OR1J2: variants seen among roughly 807,000 people sequenced by gnomAD.
OR1J2 encodes the protein olfactory receptor 1J2.
For synonymous variants in OR1J2, 142 were observed against 99.7 expected, an observed-to-expected ratio of 1.42 and a Z score of -2.52; for missense variants, 304 against 246.1, an observed-to-expected ratio of 1.24 and a Z score of -1.57.
chr9:122,547,795 T>G, the OR1J2 span, among the ~76,000 whole-genome samples: 1 of 152,182 alleles, frequency 6.6e-6, no homozygotes, highest in Non-Finnish European at 1.5e-5. Context: ...TTTCTTTTCC[T>G]TTGAGTATAT....
At chr9:122,526,196 T>G in the OR1J2 span, among the ~76,000 whole-genome samples, 1 of 152,172 alleles carries the variant, frequency 6.6e-6, no homozygotes, top group Non-Finnish European at 1.5e-5. Flanking sequence ...CATTATTAGA[T>G]AGAAACTGTT....
chr9:122,537,907 A>C, the OR1J2 span, among the ~76,000 whole-genome samples: 2 of 152,154 alleles, frequency 1.3e-5, no homozygotes, highest in South Asian at 4.1e-4. Context: ...TTTTATAAGA[A>C]AGTGATGAGG....
At chr9:122,578,107 C>T in the OR1J2 span, among the ~76,000 whole-genome samples, 1 of 152,104 alleles carries the variant, frequency 6.6e-6, no homozygotes, top group Non-Finnish European at 1.5e-5. Flanking sequence ...AGTAGATATA[C>T]CATTTGATCC....
At chr9:122,466,361 T>G in the OR1J2 span, among the ~76,000 whole-genome samples, 1 of 152,232 alleles carries the variant, frequency 6.6e-6, no homozygotes, top group Admixed American at 6.5e-5. Context: ...CGGGTTGTAT[T>G]TGTAGAAAAT....
At chr9:122,540,467 T>C in the OR1J2 span, among the ~76,000 whole-genome samples, 1 of 152,112 alleles carries the variant, frequency 6.6e-6, no homozygotes, top group Non-Finnish European at 1.5e-5. Context: ...TCTGTTCCAT[T>C]GGTCTATATC....
chr9:122,460,165 A>G, the OR1J2 span, among the ~76,000 whole-genome samples: 2 of 117,038 alleles, frequency 1.7e-5, no homozygotes, highest in Admixed American at 9.1e-5. Context: ...TGGTATGTAT[A>G]TGTGTGTGTG....
At chr9:122,533,007 C>T in the OR1J2 span, among the ~76,000 whole-genome samples, 3 of 152,044 alleles carry the variant, frequency 2.0e-5, no homozygotes, top group South Asian at 2.1e-4. Flanking sequence ...TGAAGGCTTG[C>T]GGCAGTACAG....
the OR1J2 span, among the ~76,000 whole-genome samples, chr9:122,503,583 T>C: frequency 1.3e-5 from 2 of 152,206 alleles, no homozygotes; most frequent in Non-Finnish European, 2.9e-5. Flanking sequence ...TTGTTCAGTG[T>C]CTTCTCTGAA....
At chr9:122,504,157 T>G in the OR1J2 span, among the ~76,000 whole-genome samples, 1 of 152,162 alleles carries the variant, frequency 6.6e-6, no homozygotes, top group African/African-American at 2.4e-5. Context: ...CCTTACAACT[T>G]TTTGTGCCTG....
chr9:122,467,222 A>G, the OR1J2 span, among the ~76,000 whole-genome samples: 1 of 152,282 alleles, frequency 6.6e-6, no homozygotes, highest in South Asian at 2.1e-4. Flanking sequence ...AGTAATAAAA[A>G]GATTACAAAT....
At chr9:122,519,207 C>T in the OR1J2 span, 1 of 1,614,074 alleles carries the variant, frequency 6.2e-7, no homozygotes, top group Non-Finnish European at 8.5e-7. Flanking sequence ...CTGGCCAGAG[C>T]AGCAGGCTGT....
the OR1J2 span, among the ~76,000 whole-genome samples, chr9:122,490,590 C>G: frequency 1.3e-5 from 2 of 151,922 alleles, no homozygotes; most frequent in East Asian, 3.9e-4. Context: ...GTGATGTCAA[C>G]AACATAGAGG....
the OR1J2 span, among the ~76,000 whole-genome samples, chr9:122,452,831 C>T: frequency 5.3e-5 from 8 of 150,888 alleles, no homozygotes; most frequent in Non-Finnish European, 1.2e-4. Context: ...GAGTTCAAGA[C>T]CAGCCTGACC....
At chr9:122,522,364 A>G in the OR1J2 span, among the ~76,000 whole-genome samples, 1 of 152,230 alleles carries the variant, frequency 6.6e-6, no homozygotes, top group Non-Finnish European at 1.5e-5. Context: ...GAATCAAAAC[A>G]TCCTAGAACC....
the OR1J2 span, among the ~76,000 whole-genome samples, chr9:122,486,086 G>T: frequency 4.0e-5 from 6 of 151,144 alleles, no homozygotes; most frequent in African/African-American, 1.5e-4. Flanking sequence ...TCAGCCTCCC[G>T]AGTAGCTGGG....
At chr9:122,531,840 A>G in the OR1J2 span, among the ~76,000 whole-genome samples, 1 of 152,324 alleles carries the variant, frequency 6.6e-6, no homozygotes, top group South Asian at 2.1e-4. Flanking sequence ...GACAGAAGGG[A>G]AGAAATGACC....
At chr9:122,481,710 G>A in the OR1J2 span, among the ~76,000 whole-genome samples, 1 of 152,148 alleles carries the variant, frequency 6.6e-6, no homozygotes, top group Non-Finnish European at 1.5e-5. Flanking sequence ...GAATTGGCAA[G>A]TATACGAAGA....
the OR1J2 span, chr9:122,519,791 T>C: frequency 6.2e-6 from 10 of 1,614,216 alleles, no homozygotes; most frequent in South Asian, 1.1e-4. Context: ...TCTTGATCTC[T>C]TATGGCCACA....
At chr9:122,509,558 A>G (rs1047023469), upstream of OR1J2, among the ~76,000 whole-genome samples, 1 of 152,338 alleles carries the variant, frequency 6.6e-6, no homozygotes, top group Admixed American at 6.5e-5. Flanking sequence ...TACTTTCTCA[A>G]CATGCCAGGG....
Sources: gnomAD v4.1 joint callset for allele counts (sites outside exome capture counted in the v4.1 genomes callset) on GRCh38, gnomAD v4.1.1 for gene constraint, MANE v1.5 for transcripts, NCBI Gene and HGNC (gene_info 2026-07-23, HGNC 2026-07-21) for gene names.